The following PCDH11X variants were observed in gnomAD, a reference collection of about 807,000 sequenced individuals.
PCDH11X encodes the protein protocadherin 11 X-linked.
In PCDH11X, 18 loss-of-function variants were observed where a neutral mutation model predicts 53.3. The ratio of observed to expected loss-of-function variants is 0.34; its 90% CI spans 0.23 to 0.50. The LOEUF is 0.50. Among genes scored for constraint, PCDH11X ranks in the 20% least tolerant of loss-of-function variants. PCDH11X has a pLI of 0.98. For missense variants in PCDH11X, 570 were observed against 1,032.4 expected, an observed-to-expected ratio of 0.55 and a Z score of 6.14; for synonymous variants, 279 against 393.3, an observed-to-expected ratio of 0.71 and a Z score of 3.44.
chrX:92,491,101 T>A (rs773996394), intron 10 of PCDH11X, among the ~76,000 whole-genome samples: 1 of 110,503 alleles, frequency 9.0e-6, no homozygotes, highest in South Asian at 4.0e-4. Flanking sequence ...GGAAGAAAGG[T>A]AAAATATGAG....
At chrX:92,064,946 G>A (rs2148069288) in intron 6 of PCDH11X, among the ~76,000 whole-genome samples, 1 of 104,929 alleles carries the variant, frequency 9.5e-6, no homozygotes, top group South Asian at 4.0e-4. Context: ...CATTGGGGGT[G>A]CACTCCAGGA....
chrX:92,054,050 C>T (rs1363306156), intron 6 of PCDH11X, among the ~76,000 whole-genome samples: 1 of 111,663 alleles, frequency 9.0e-6, no homozygotes, highest in Non-Finnish European at 1.9e-5. Flanking sequence ...GAACCTCAGC[C>T]CATGCTCATG....
intron 5 of PCDH11X, among the ~76,000 whole-genome samples, chrX:91,869,097 C>G (rs1204687196): frequency 9.0e-6 from 1 of 110,882 alleles, no homozygotes; most frequent in East Asian, 2.8e-4. Context: ...ATTATATACT[C>G]TTAAAATTTT....
intron 4 of PCDH11X, among the ~76,000 whole-genome samples, 175 bp downstream of exon 4, chrX:91,811,470 A>G (rs1936291519): frequency 9.1e-6 from 1 of 109,403 alleles, no homozygotes; most frequent in East Asian, 2.9e-4. Flanking sequence ...GGGGAAGTCT[A>G]TATTCCAATA....
At position 92,501,037 on chromosome X, in the gene PCDH11X, G is replaced by T. The variant is rs556123168; in HGVS notation, c.3367+32715G>T. Among the ~76,000 whole-genome samples the T allele has an allele frequency of 3.6e-4, 40 of 110,085 alleles. No homozygotes were observed. In the South Asian group the frequency reaches 0.012, roughly 32 times the overall value. On this transcript the variant is annotated intron_variant, in intron 10 of 10. Transcript: ENST00000682573. ...AAATAAACACAATCAGAAATGATAA[G>T]GGGGATATCACCACTGATCCCACAG...
chrX:91,982,054 C>T (rs2062147944), intron 6 of PCDH11X, among the ~76,000 whole-genome samples: 1 of 110,899 alleles, frequency 9.0e-6, no homozygotes, highest in African/African-American at 3.3e-5. Flanking sequence ...GGTGCAAGGG[C>T]TAAAAAACGC....
chrX:92,181,234 G>T (rs777720427), intron 6 of PCDH11X, among the ~76,000 whole-genome samples: 1 of 111,399 alleles, frequency 9.0e-6, no homozygotes, highest in South Asian at 3.8e-4. Context: ...GCAGCATTTT[G>T]CCCCTGCCCT....
chrX:91,834,103 T>C (rs1179926641), intron 4 of PCDH11X, among the ~76,000 whole-genome samples: 2 of 111,305 alleles, frequency 1.8e-5, no homozygotes, highest in Non-Finnish European at 3.8e-5. Context: ...AGGCTTTAGC[T>C]CAGTGTGATA....
chrX:92,425,542 AG>A (rs747703643), intron 9 of PCDH11X, among the ~76,000 whole-genome samples: 4 of 110,186 alleles, frequency 3.6e-5, no homozygotes, highest in African/African-American at 1.3e-4. Flanking sequence ...AAAAGGTTGC[AG>A]GGGAAGATTG....
In PCDH11X at chrX:92,460,100, A is replaced by C. The variant is rs145970305; in HGVS notation, c.3344-8199A>C. On this transcript the variant is annotated intron_variant, in intron 9 of 10. Coordinates refer to ENST00000682573, the MANE Select transcript of PCDH11X (RefSeq NM_032968.5). ...GCTCAGATCTTCGCAAATACTGTGG[A>C]CAATGCCTGCATCGTTCTGCATATT... The C allele has an allele frequency of 2.3e-3, 2,448 of 1,063,657 alleles. 44 individuals carry two copies. The African/African-American group carries it at 0.038, about 16-fold the overall frequency. 87.7% of individuals were successfully genotyped at this position (1,063,657 alleles called of 1,213,427 possible). A position where few individuals can be genotyped will look rare whatever the true frequency, so the allele number is the denominator to read the frequency against.
Position 92,620,023 on chromosome X carries a change from G to A in PCDH11X, c.*1083G>A, listed in dbSNP as rs1928372269. On this transcript the variant is annotated 3_prime_UTR_variant, in exon 11 of 11. Transcript: ENST00000682573. ...ATATACTAAATCTATAAGACTAAGG[G>A]ATTTTTGTTATTCTAGCTCAACTTA... 9.0e-6 allele frequency: 1 copy of A among 110,631 alleles called. No homozygotes were observed. The highest frequency in any genetic ancestry group is 9.7e-5 in the Admixed American group (1 of 10,362). The allele number at this position is 110,631 out of a possible 1,213,427, so 9.1% of individuals were successfully genotyped here. A position where few individuals can be genotyped will look rare whatever the true frequency, so the allele number is the denominator to read the frequency against.
Position 92,562,966 on chromosome X carries a change from C to T in PCDH11X, c.3368-55298C>T, listed in dbSNP as rs747425158. Among the ~76,000 whole-genome samples the T allele has an allele frequency of 9.2e-5, 10 of 108,619 alleles. No individual in the cohort carries two copies. In the East Asian group the frequency reaches 2.9e-3, roughly 31 times the overall value. The allele number at this position is 108,619 out of a possible 115,157, so 94.3% of individuals were successfully genotyped here. On this transcript the variant is annotated intron_variant, in intron 10 of 10. Transcript: ENST00000682573. ...CTTCTTCTGAACCCTCCACACTCTT[C>T]CAGTTTCTGTCTGCTACCCAATTCC... is the stretch of plus-strand genomic sequence containing the variant.
intron 8 of PCDH11X, among the ~76,000 whole-genome samples, chrX:92,313,991 A>G (rs972524319): frequency 5.4e-5 from 6 of 111,457 alleles, no homozygotes; most frequent in African/African-American, 2.0e-4. Flanking sequence ...GACTTTATCA[A>G]CACTGTACAC....
At chrX:92,576,962 C>T (rs924477883) in intron 10 of PCDH11X, among the ~76,000 whole-genome samples, 2 of 110,768 alleles carry the variant, frequency 1.8e-5, no homozygotes, top group African/African-American at 6.6e-5. Flanking sequence ...TTCTTTCTGA[C>T]TGAAATATTT....
rs1000161141 is a variant in PCDH11X at position 92,124,338 on chromosome X, G to T, written c.3034-77037G>T. Among the ~76,000 whole-genome samples, 64 of 109,777 alleles carry T rather than the reference G, an allele frequency of 5.8e-4. 1 individual carries two copies. Among genetic ancestry groups the T allele is most frequent in the African/African-American group, 2.0e-3 (61 of 30,192 alleles). ...GAGGCGGGCGGATCACCTGAAATTG[G>T]AGTTGGAGACCAGCCTGACCAACAG... On this transcript the variant is annotated intron_variant, in intron 6 of 10. Transcript: ENST00000682573.
At chrX:92,271,314 T>C (rs2067952630) in intron 8 of PCDH11X, among the ~76,000 whole-genome samples, 1 of 112,209 alleles carries the variant, frequency 8.9e-6, no homozygotes, top group Non-Finnish European at 1.9e-5. Context: ...CAATGAGGCA[T>C]ATTTTGAGGT....
Position 91,890,879 on chromosome X carries a change from C to T in PCDH11X, c.3033+11606C>T, listed in dbSNP as rs1279523795. Among the ~76,000 whole-genome samples, 3 of 109,698 alleles carry T rather than the reference C, an allele frequency of 2.7e-5. No individual in the cohort carries two copies. The Admixed American group carries it at 3.0e-4, about 11-fold the overall frequency. ...GCCTACCTATGTATATATAAACAAACATTTTTGTAAACAGCTCAGTGAGGA... is the reference window on the plus strand; with the variant it reads ...GCCTACCTATGTATATATAAACAAATATTTTTGTAAACAGCTCAGTGAGGA... On this transcript the variant is annotated intron_variant, in intron 6 of 10. Coordinates refer to ENST00000682573, the MANE Select transcript of PCDH11X (RefSeq NM_032968.5).
intron 6 of PCDH11X, among the ~76,000 whole-genome samples, chrX:92,154,673 C>T (rs78941434): frequency 9.0e-6 from 1 of 110,824 alleles, no homozygotes; most frequent in Non-Finnish European, 1.9e-5. Context: ...AAGACACAAG[C>T]GGCTGGTCAT....
At chrX:92,099,862 G>A (rs2148132713) in intron 6 of PCDH11X, among the ~76,000 whole-genome samples, 1 of 110,937 alleles carries the variant, frequency 9.0e-6, no homozygotes, top group Non-Finnish European at 1.9e-5. Flanking sequence ...TGTGCACTAT[G>A]GTATAATGTT....
Sources: gnomAD v4.1 joint callset for allele counts (sites outside exome capture counted in the v4.1 genomes callset) on GRCh38, gnomAD v4.1.1 for gene constraint, MANE v1.5 for transcripts, NCBI Gene and HGNC (gene_info 2026-07-23, HGNC 2026-07-21) for gene names.